Variants in KIAA1217 observed in about 807,000 individuals in gnomAD.
KIAA1217 encodes KIAA1217.
In KIAA1217, 88 loss-of-function variants were observed where a neutral mutation model predicts 163.9. The ratio of observed to expected loss-of-function variants is 0.54; its 90% confidence interval spans 0.45 to 0.64. The LOEUF is 0.64. Ranked by LOEUF, KIAA1217 falls within the 30% of genes least tolerant of loss-of-function variation. The pLI is 0.00. For missense variants in KIAA1217, 2,372 were observed against 2,475.0 expected, an observed-to-expected ratio of 0.96 and a Z score of 0.88; for synonymous variants, 903 against 923.1, an observed-to-expected ratio of 0.98 and a Z score of 0.39.
intron 1 of KIAA1217, among the ~76,000 whole-genome samples, chr10:23,907,421 A>G (rs1304073323): frequency 6.6e-6 from 1 of 151,782 alleles, no homozygotes; most frequent in Non-Finnish European, 1.5e-5. Context: ...ACAATTATGG[A>G]GGTGGAGAAG....
chr10:23,922,088 G>A (rs118061212), intron 1 of KIAA1217, among the ~76,000 whole-genome samples: 3,137 of 151,984 alleles, frequency 0.021, 58 homozygotes, highest in Admixed American at 0.063. Flanking sequence ...AGTGGCTGGA[G>A]ATGGCCAATA....
chr10:24,195,248 ACT>A (rs1310982620), intron 2 of KIAA1217, among the ~76,000 whole-genome samples: 1 of 152,050 alleles, frequency 6.6e-6, no homozygotes, highest in Non-Finnish European at 1.5e-5. Context: ...TCCCATGGAA[ACT>A]CTGCAGTGCC....
chr10:24,444,561 A>G (rs76558827), intron 5 of KIAA1217, among the ~76,000 whole-genome samples: 12 of 152,192 alleles, frequency 7.9e-5, no homozygotes, highest in Non-Finnish European at 1.5e-5. Context: ...AAAACCAGTC[A>G]TGGCATCTTA....
At chr10:24,246,715 C>T (rs1014666657) in intron 2 of KIAA1217, among the ~76,000 whole-genome samples, 2 of 152,150 alleles carry the variant, frequency 1.3e-5, no homozygotes, top group Non-Finnish European at 2.9e-5. Context: ...TAACCGTGAA[C>T]ATGTAACTAT....
At chr10:24,445,536 C>G (rs1345531259) in intron 5 of KIAA1217, among the ~76,000 whole-genome samples, 1 of 116,588 alleles carries the variant, frequency 8.6e-6, no homozygotes, top group Non-Finnish European at 1.7e-5. Flanking sequence ...CCCCCTCCCC[C>G]CACCCCACAA....
intron 2 of KIAA1217, among the ~76,000 whole-genome samples, chr10:24,186,956 T>G (rs1194137881): frequency 1.3e-5 from 2 of 152,170 alleles, no homozygotes; most frequent in African/African-American, 4.8e-5. Flanking sequence ...CCAGTTCATT[T>G]TACTCAGTTT....
chr10:24,500,986 T>C (rs2067500712), intron 8 of KIAA1217, among the ~76,000 whole-genome samples: 1 of 152,050 alleles, frequency 6.6e-6, no homozygotes, highest in African/African-American at 2.4e-5. Flanking sequence ...GAGATACCGT[T>C]AACACTTTGT....
intron 1 of KIAA1217, among the ~76,000 whole-genome samples, chr10:23,970,495 G>A (rs1845269377): frequency 6.6e-6 from 1 of 152,132 alleles, no homozygotes; most frequent in African/African-American, 2.4e-5. Flanking sequence ...GGTGTTGCTT[G>A]GAAGGGGTAA....
At chr10:23,975,744 A>G (rs1367795558) in intron 1 of KIAA1217, among the ~76,000 whole-genome samples, 2 of 152,126 alleles carry the variant, frequency 1.3e-5, no homozygotes, top group Non-Finnish European at 2.9e-5. Context: ...CACCTCCTCC[A>G]TATTATATTT....
chr10:23,910,631 C>T (rs1393670981), intron 1 of KIAA1217, among the ~76,000 whole-genome samples: 1 of 152,166 alleles, frequency 6.6e-6, no homozygotes, highest in African/African-American at 2.4e-5. Context: ...GGTGAGGAAA[C>T]TCAAGTTGTG....
chr10:23,962,990 G>GA (rs1473466176), intron 1 of KIAA1217, among the ~76,000 whole-genome samples: 2 of 152,048 alleles, frequency 1.3e-5, no homozygotes, highest in Non-Finnish European at 2.9e-5. Flanking sequence ...AAAAAGAAAA[G>GA]ATTTTCAGGT....
At chr10:23,999,872 C>A (rs898798373) in intron 1 of KIAA1217, among the ~76,000 whole-genome samples, 1 of 152,000 alleles carries the variant, frequency 6.6e-6, no homozygotes, top group Non-Finnish European at 1.5e-5. Flanking sequence ...CCAGACTAGA[C>A]AACATAGCAA....
chr10:24,525,952 C>T (rs2072090610), intron 13 of KIAA1217, among the ~76,000 whole-genome samples: 1 of 152,218 alleles, frequency 6.6e-6, no homozygotes, highest in Non-Finnish European at 1.5e-5. Context: ...GATCACGCCA[C>T]TGCACTCTAG....
At chr10:24,403,841 A>C (rs1187475385) in intron 3 of KIAA1217, among the ~76,000 whole-genome samples, 2 of 152,228 alleles carry the variant, frequency 1.3e-5, no homozygotes, top group South Asian at 2.1e-4. Flanking sequence ...AAATAAAAAA[A>C]ATAGAGATAA....
At chr10:24,374,193 A>G (rs992270893) in intron 2 of KIAA1217, among the ~76,000 whole-genome samples, 7 of 152,262 alleles carry the variant, frequency 4.6e-5, no homozygotes, top group African/African-American at 1.4e-4. Flanking sequence ...GAAGAGAAAT[A>G]CTAATTATCA....
At chr10:24,182,908 A>G (rs1047562101) in intron 2 of KIAA1217, among the ~76,000 whole-genome samples, 3 of 152,158 alleles carry the variant, frequency 2.0e-5, no homozygotes, top group Non-Finnish European at 4.4e-5. Context: ...GTTTCTCCCC[A>G]CCAAAATGCA....
intron 3 of KIAA1217, among the ~76,000 whole-genome samples, chr10:24,387,122 T>A (rs576734883): frequency 6.6e-6 from 1 of 152,246 alleles, no homozygotes; most frequent in Admixed American, 6.5e-5. Context: ...TTTAGACCAA[T>A]ATCCCTGATG....
intron 3 of KIAA1217, among the ~76,000 whole-genome samples, chr10:24,396,844 C>T (rs995700177): frequency 2.0e-5 from 3 of 152,320 alleles, no homozygotes; most frequent in Admixed American, 1.3e-4. Context: ...AGAATGTCTG[C>T]TTCATTGCAG....
At chr10:24,361,848 G>A (rs2050055301) in intron 2 of KIAA1217, among the ~76,000 whole-genome samples, 3 of 151,844 alleles carry the variant, frequency 2.0e-5, no homozygotes, top group African/African-American at 4.8e-5. Context: ...GGTGGCGGGC[G>A]CCTGTAGTCC....
Sources: allele counts gnomAD v4.1 joint callset (sites outside exome capture counted in the v4.1 genomes callset), GRCh38; gene constraint gnomAD v4.1.1; transcripts MANE v1.5; gene names NCBI Gene and HGNC (gene_info 2026-07-23, HGNC 2026-07-21).